The following RNF215 variants were observed in gnomAD, a reference collection of about 807,000 sequenced individuals.
RNF215 encodes the protein ring finger protein 215.
Under a neutral mutation model 44.8 loss-of-function variants are expected in RNF215, and 41 were observed. The observed-to-expected ratio is 0.92, with a 90% CI of 0.71 to 1.19. RNF215 has a LOEUF of 1.19. RNF215 is among the 50% of genes most tolerant of loss of function. The probability of loss-of-function intolerance (pLI) is 0.00; values close to 1 mark genes in which losing one functional copy is unlikely to be tolerated. For synonymous variants in RNF215, 218 were observed against 230.1 expected (o/e 0.95, Z 0.48); for missense variants, 452 against 496.2 (o/e 0.91, Z 0.85).
At position 30,380,010 on chromosome 22, in the gene RNF215, G is replaced by T. The variant is rs993605422; in HGVS notation, c.1008+52C>A. 6.2e-7 allele frequency: 1 copy of T among 1,607,262 alleles called. No homozygotes were observed. The highest frequency in any genetic ancestry group is 1.3e-5 in the African/African-American group (1 of 74,792). ...GTGGTTCCAAGGTCCCAGGAGTAAG[G>T]TGGGAGGCATCACAGGTGAGCTGAT... On this transcript the variant is annotated intron_variant, in intron 7 of 8. Coordinates refer to ENST00000382363, the MANE Select transcript of RNF215 (RefSeq NM_001017981.2). The surrounding 1 kb of genome is among the most constrained non-coding windows in gnomAD (Gnocchi z 5.3).
At position 30,386,611 on chromosome 22, in the gene RNF215, T is replaced by C. The variant is rs1316644026; in HGVS notation, c.429+5A>G. The stretch of plus-strand genomic sequence containing the variant: ...AGCCCCCTCCCCCATAGACATCCCC[T>C]GCACCTGCTGGACCAGGGCCTTGGG... On this transcript the variant is annotated splice_donor_5th_base_variant and intron_variant, in intron 2 of 8. Coordinates refer to ENST00000382363, the MANE Select transcript of RNF215 (RefSeq NM_001017981.2). 7 of 1,611,154 alleles carry C rather than the reference T, an allele frequency of 4.3e-6. No individual in the cohort carries two copies. The highest frequency in any genetic ancestry group is 1.7e-5 in the Admixed American group (1 of 59,850).
chr22:30,384,598 C>A, intron 4 of RNF215, 103 bp from the exon 5 acceptor site: 1 of 1,011,288 alleles, frequency 9.9e-7, no homozygotes, highest in Non-Finnish European at 1.4e-6. Flanking sequence ...ACGACTGTCG[C>A]CCCTGCTGGC....
At chr22:30,379,963 G>A (rs1933501298) in intron 7 of RNF215, 99 bp downstream of exon 7, 2 of 1,569,468 alleles carry the variant, frequency 1.3e-6, no homozygotes, top group Middle Eastern at 1.7e-4. Context: ...CCTGGGGGCT[G>A]AAGGAGAAGG....
Position 30,387,079 on chromosome 22 carries a change from T to A in RNF215, c.235A>T (p.Ile79Phe), listed in dbSNP as rs760751248. 5 of 1,540,330 alleles carry A rather than the reference T, an allele frequency of 3.2e-6. No individual in the cohort carries two copies. Among genetic ancestry groups the A allele is most frequent in the Non-Finnish European group, 3.5e-6 (4 of 1,149,204 alleles). ...GGCGCCGGGTCGGCTTCGGAGCCGA[T>A]CCTGACGCCCTCCAGGACCAGAGCG... ...QDALVLEGVR[I>F]GSEADPAPLL... is the part of the protein sequence containing the mutation. The change falls in exon 1 of 9, where the codon ATC (isoleucine) becomes TTC (phenylalanine). Residue 79 changes from isoleucine (I) to phenylalanine (F), a missense_variant. Transcript: ENST00000382363.
Position 30,387,038 on chromosome 22 carries a change from A to G in RNF215, c.276T>C (p.Arg92=). ...EADPAPLLGG[R]LLLMDIVDAE... is the part of the protein sequence containing the mutation. ...GCTCAGCAGCGCTCACCAGCAGCAGACGACCGCCCAGCAGGGGCGCCGGGT... is the reference window on the plus strand; with the variant it reads ...GCTCAGCAGCGCTCACCAGCAGCAGGCGACCGCCCAGCAGGGGCGCCGGGT... The change falls in exon 1 of 9, where the codon CGT becomes CGC. Residue 92 remains arginine (R), a synonymous_variant. Coordinates refer to ENST00000382363, the MANE Select transcript of RNF215 (RefSeq NM_001017981.2). 6.5e-7 allele frequency: 1 copy of G among 1,544,466 alleles called. No homozygotes were observed. Among genetic ancestry groups the G allele is most frequent in the Non-Finnish European group, 8.7e-7 (1 of 1,150,614 alleles).
rs141658379 is a variant in RNF215 at position 30,380,852 on chromosome 22, G to A, written c.745-451C>T. ...ACTCACCCATCCAGCCTGAATGTTC[G>A]CACCCCCCTGTACGGGAGGGAGCCA... On this transcript the variant is annotated intron_variant, in intron 5 of 8. Coordinates refer to ENST00000382363, the MANE Select transcript of RNF215 (RefSeq NM_001017981.2). The surrounding 1 kb of genome is among the most constrained non-coding windows in gnomAD (Gnocchi z 5.3). 2.4e-3 allele frequency among the ~76,000 whole-genome samples: 369 copies of A among 152,160 alleles called. 1 individual carries two copies. Among genetic ancestry groups the A allele is most frequent in the Non-Finnish European group, 4.3e-3 (295 of 68,008 alleles).
Position 30,380,093 on chromosome 22 carries a change from G to A in RNF215, c.977C>T (p.Ala326Val), listed in dbSNP as rs375209146. ...GLPDPGAETC[A>V]VCLDYFCNKQ... ...GTTGCAGAAGTAGTCCAGGCACACCGCACAGGTCTCAGCACCCGGATCTGG... is the reference window on the plus strand; with the variant it reads ...GTTGCAGAAGTAGTCCAGGCACACCACACAGGTCTCAGCACCCGGATCTGG... The change falls in exon 7 of 9, where the codon GCG (alanine) becomes GTG (valine). Residue 326 changes from alanine to valine, a missense_variant. Physicochemically the swap from Ala to Val is moderately conservative, Grantham distance 64. Transcript: ENST00000382363. This position sits in a 1 kb window ranked among gnomAD's most constrained non-coding sequence, Gnocchi z 5.3. 104 of 1,613,840 alleles carry A rather than the reference G, an allele frequency of 6.4e-5. No individual in the cohort carries two copies. In the East Asian group the frequency reaches 8.7e-4, roughly 13 times the overall value.
At position 30,385,904 on chromosome 22, in the gene RNF215, T is replaced by C. The variant is rs1264257982; in HGVS notation, c.587A>G (p.Gln196Arg). ...NVTKLLDALL[Q>R]RTQATAEITS... ...CTTTGAAGTCTAAATACCAACTCAC[T>C]GCAGCAATGCATCCAACAGCTTGGT... Residue 196 changes from glutamine (Q) to arginine (R), a missense_variant and splice_region_variant, in exon 4 of 9, where the codon CAG becomes CGG. By Grantham distance (43) the Gln-to-Arg change is conservative. Transcript: ENST00000382363. The C allele has an allele frequency of 6.2e-7, 1 of 1,613,698 alleles. No homozygotes were observed. Among genetic ancestry groups the C allele is most frequent in the African/African-American group, 1.3e-5 (1 of 74,876 alleles).
In RNF215 at chr22:30,380,121, G is replaced by A; in HGVS notation, c.949C>T (p.Leu317Phe). The part of the protein sequence containing the change: ...RCRLSRAAQG[L>F]PDPGAETCAV... ...CAGGTCTCAGCACCCGGATCTGGGA[G>A]GCCCTGCGCTGCCCTGCTCAGCCGG... Residue 317 changes from leucine to phenylalanine, a missense_variant, in exon 7 of 9, where the codon CTC becomes TTC. By Grantham distance (22) the Leu-to-Phe change is conservative (BLOSUM62 0). Coordinates refer to ENST00000382363, the MANE Select transcript of RNF215 (RefSeq NM_001017981.2). This position sits in a 1 kb window ranked among gnomAD's most constrained non-coding sequence, Gnocchi z 5.3. 1 of 1,613,962 alleles carries A rather than the reference G, an allele frequency of 6.2e-7. No individual in the cohort carries two copies. The highest frequency in any genetic ancestry group is 2.2e-5 in the East Asian group (1 of 44,882).
At chr22:30,386,794 G>C in intron 1 of RNF215, 35 bp from the exon 2 acceptor site, 1 of 1,586,660 alleles carries the variant, frequency 6.3e-7, no homozygotes, top group Non-Finnish European at 8.5e-7. Flanking sequence ...GAGGGAGGTA[G>C]GGTGTGGTGG....
chr22:30,386,950 T>TCGGTTCAGGGTG, intron 1 of RNF215, 79 bp downstream of exon 1: 1 of 1,503,916 alleles, frequency 6.6e-7, no homozygotes, highest in Non-Finnish European at 8.9e-7. Flanking sequence ...AGGATGAACG[T>TCGGTTCAGGGTG]CGGTTCAGGG....
At position 30,387,116 on chromosome 22, in the gene RNF215, C is replaced by A; in HGVS notation, c.198G>T (p.Leu66=). 1 of 1,512,004 alleles carries A rather than the reference C, an allele frequency of 6.6e-7. No individual in the cohort carries two copies. The highest frequency in any genetic ancestry group is 8.8e-7 in the Non-Finnish European group (1 of 1,134,898). 93.7% of individuals were successfully genotyped at this position (1,512,004 alleles called of 1,614,324 possible). The change falls in exon 1 of 9, where the codon CTG becomes CTT. Residue 66 remains leucine, a synonymous_variant. Coordinates refer to ENST00000382363, the MANE Select transcript of RNF215 (RefSeq NM_001017981.2). ...CCAGGACCAGAGCGTCCTGGCGCGG[C>A]AGTCTCACGTCCACCCGCACGGCGC... ...GARAVRVDVR[L]PRQDALVLEG... is the part of the protein sequence containing the mutation.
At chr22:30,383,832 G>A (rs1219381803) in intron 5 of RNF215, among the ~76,000 whole-genome samples, 1 of 152,178 alleles carries the variant, frequency 6.6e-6, no homozygotes, top group African/African-American at 2.4e-5. Flanking sequence ...AGCTGGGGTG[G>A]GAGGGAGGCT....
Position 30,384,476 on chromosome 22 carries a change from C to A in RNF215, c.607G>T (p.Glu203Ter). ...GACAGGGACTCTCCGCTGGTGATCT[C>A]AGCCGTGGCCTGGGTCCTCCTGGGA... Reference protein sequence around the residue: ...ALLQRTQATAEITSGESLSAN... With the variant: ...ALLQRTQATA The change falls in exon 5 of 9, where the codon GAG becomes TAG. Residue 203 changes from glutamate to a stop codon, truncating the protein, a stop_gained. Transcript: ENST00000382363. LOFTEE classifies it high-confidence loss of function. The A allele has an allele frequency of 6.2e-7, 1 of 1,613,854 alleles. No homozygotes were observed. The highest frequency in any genetic ancestry group is 8.5e-7 in the Non-Finnish European group (1 of 1,179,874).
At chr22:30,384,679 C>G in intron 4 of RNF215, 184 bp from the exon 5 acceptor site, 3 of 547,438 alleles carry the variant, frequency 5.5e-6, no homozygotes, top group Non-Finnish European at 3.3e-6. Context: ...GCCAGGGAAG[C>G]CTGCAAGTCC....
chr22:30,380,528 T>TC lies in RNF215; in HGVS notation c.745-128dup. On this transcript the variant is annotated intron_variant, in intron 5 of 8. Coordinates refer to ENST00000382363, the MANE Select transcript of RNF215 (RefSeq NM_001017981.2). The surrounding 1 kb of genome is among the most constrained non-coding windows in gnomAD (Gnocchi z 5.3). ...GCTGACGGCCTCTGTGTCCCTGCAG[T>TC]CCCCAGCTTCCTCTTCTGAAGGCTC... The TC allele has an allele frequency of 8.7e-7, 1 of 1,142,982 alleles. No homozygotes were observed. The highest frequency in any genetic ancestry group is 1.2e-6 in the Non-Finnish European group (1 of 819,072). 70.8% of individuals were successfully genotyped at this position (1,142,982 alleles called of 1,614,324 possible).
At chr22:30,386,555 C>A in intron 2 of RNF215, 61 bp downstream of exon 2, 1 of 1,564,244 alleles carries the variant, frequency 6.4e-7, no homozygotes. Flanking sequence ...GAGGGCCTGG[C>A]TCTAGCAGAT....
In RNF215 at chr22:30,383,022, A is replaced by G. The variant is rs1933549206; in HGVS notation, c.744+1317T>C. 2.6e-5 allele frequency among the ~76,000 whole-genome samples: 4 copies of G among 152,262 alleles called. 1 individual carries two copies. In the South Asian group the frequency reaches 8.3e-4, roughly 32 times the overall value. On this transcript the variant is annotated intron_variant, in intron 5 of 8. Coordinates refer to ENST00000382363, the MANE Select transcript of RNF215 (RefSeq NM_001017981.2). ...GGGACTGAGGTGGCAGGGTCACTTG[A>G]GCCCAGGAGGTCGAGGCTGCAGTGA...
intron 4 of RNF215, 43 bp from the exon 5 acceptor site, chr22:30,384,538 G>C: frequency 6.3e-7 from 1 of 1,591,206 alleles, no homozygotes; most frequent in Non-Finnish European, 8.6e-7. Context: ...GGACTCTTGG[G>C]AAGGGAGGCC....
Sources: gnomAD v4.1 joint callset for allele counts (sites outside exome capture counted in the v4.1 genomes callset) on GRCh38, gnomAD v4.1.1 for gene constraint, Gnocchi (gnomAD v3.1) non-coding constraint, MANE v1.5 for transcripts, NCBI Gene and HGNC (gene_info 2026-07-23, HGNC 2026-07-21) for gene names.